The following SKAP1 variants were observed in gnomAD, a reference collection of about 807,000 sequenced individuals.
The protein encoded by SKAP1 is src kinase associated phosphoprotein 1.
Under a neutral mutation model 58.5 loss-of-function variants are expected in SKAP1, and 44 were observed. The ratio of observed to expected loss-of-function variants is 0.75; its 90% CI spans 0.59 to 0.97. The LOEUF (loss-of-function observed/expected upper bound fraction) is 0.97, where lower values mean the gene tolerates loss of function less well. SKAP1 is among the 50% of genes least tolerant of loss of function. The probability of loss-of-function intolerance (pLI) is 0.00; values close to 1 mark genes in which losing one functional copy is unlikely to be tolerated. For synonymous variants in SKAP1, 127 were observed against 149.7 expected, an observed-to-expected ratio of 0.85 and a Z score of 1.11; for missense variants, 390 against 435.2, an observed-to-expected ratio of 0.90 and a Z score of 0.92.
intron 2 of SKAP1, among the ~76,000 whole-genome samples, chr17:48,384,550 T>C (rs2067253606): frequency 6.6e-6 from 1 of 152,168 alleles, no homozygotes; most frequent in African/African-American, 2.4e-5. Flanking sequence ...TCTAACACCT[T>C]AGAGCAGAGT....
At chr17:48,345,854 G>T in intron 4 of SKAP1, 51 bp downstream of exon 4, 2 of 1,270,416 alleles carry the variant, frequency 1.6e-6, no homozygotes, top group Non-Finnish European at 2.3e-6. Flanking sequence ...TGTCAGGCCA[G>T]AAGATAATGA....
rs1236245458 is a variant in SKAP1, at chr17:48,338,135, CCTTTCTTTCTTTTT to C, written c.280+7756_280+7769del. ...TCTTTCTTTTCTTCCTTCCTTCTTT[CCTTTCTTTCTTTTT>C]CTTTCTTTCTTTCTTTTCAGACAGA... On this transcript the variant is annotated intron_variant, in intron 4 of 12. Transcript: ENST00000336915. Among the ~76,000 whole-genome samples the C allele has an allele frequency of 1.2e-3, 176 of 143,728 alleles. 1 individual carries two copies. The highest frequency in any genetic ancestry group is 4.5e-3 in the African/African-American group (175 of 39,172). 94.3% of individuals were successfully genotyped at this position (143,728 alleles called of 152,430 possible). A position where few individuals can be genotyped will look rare whatever the true frequency, so the allele number is the denominator to read the frequency against.
At chr17:48,219,732 C>T (rs550174391) in intron 4 of SKAP1, among the ~76,000 whole-genome samples, 1 of 152,054 alleles carries the variant, frequency 6.6e-6, no homozygotes, top group Non-Finnish European at 1.5e-5. Context: ...TCTGCTGCAC[C>T]CCCATGGAGA....
At chr17:48,178,470 A>T (rs1162286491) in intron 9 of SKAP1, among the ~76,000 whole-genome samples, 1 of 152,158 alleles carries the variant, frequency 6.6e-6, no homozygotes, top group African/African-American at 2.4e-5. Context: ...TTTAGGGAGT[A>T]TTGTGAATTA....
At chr17:48,402,046 G>A (rs1055584106) in intron 1 of SKAP1, among the ~76,000 whole-genome samples, 4 of 152,146 alleles carry the variant, frequency 2.6e-5, no homozygotes, top group African/African-American at 9.7e-5. Context: ...CTAGCCATCA[G>A]GGAAATGCAA....
intron 4 of SKAP1, among the ~76,000 whole-genome samples, chr17:48,305,732 A>G (rs971535864): frequency 6.6e-6 from 1 of 152,340 alleles, no homozygotes; most frequent in East Asian, 1.9e-4. Flanking sequence ...TAAATGTGAG[A>G]TATTTTTATT....
intron 9 of SKAP1, among the ~76,000 whole-genome samples, chr17:48,179,508 G>C (rs1449010731): frequency 1.3e-5 from 2 of 152,122 alleles, no homozygotes; most frequent in Non-Finnish European, 2.9e-5. Context: ...AAACATGTTA[G>C]GGTTATTTTT....
rs1160541160 is a variant in SKAP1 at position 48,264,606 on chromosome 17, C to G, written c.281-75106G>C. Among the ~76,000 whole-genome samples, 6 of 152,066 alleles carry G rather than the reference C, an allele frequency of 3.9e-5. No individual in the cohort carries two copies. In the East Asian group the frequency reaches 1.2e-3, roughly 29 times the overall value. ...TACTCCAAAGAGACCCATAAAGATA[C>G]TGAACTTTGCCAGGAAATGGGGAGG... is the stretch of plus-strand genomic sequence containing the variant. On this transcript the variant is annotated intron_variant, in intron 4 of 12. Coordinates refer to ENST00000336915, the MANE Select transcript of SKAP1 (RefSeq NM_003726.4).
chr17:48,407,926 GA>G (rs906063858), intron 1 of SKAP1, among the ~76,000 whole-genome samples: 3 of 151,084 alleles, frequency 2.0e-5, no homozygotes, highest in Admixed American at 6.6e-5. Context: ...GAATTTTTCA[GA>G]GGGGGGGGAA....
chr17:48,424,436 A>G (rs2067833006), intron 1 of SKAP1, among the ~76,000 whole-genome samples: 1 of 151,110 alleles, frequency 6.6e-6, no homozygotes, highest in Admixed American at 6.6e-5. Context: ...CGTGTTAGCC[A>G]GGATGGTCTC....
intron 11 of SKAP1, among the ~76,000 whole-genome samples, chr17:48,151,086 GA>G (rs369278460): frequency 0.5 from 65,487 of 130,234 alleles, 15,078 homozygotes; most frequent in African/African-American, 0.54. Context: ...GACGCAGCAG[GA>G]AAAAAAAAAA....
At chr17:48,280,993 C>A (rs2065759052) in intron 4 of SKAP1, among the ~76,000 whole-genome samples, 1 of 152,058 alleles carries the variant, frequency 6.6e-6, no homozygotes, top group African/African-American at 2.4e-5. Flanking sequence ...GCAGTCTAAA[C>A]CCAGAGCTCA....
intron 4 of SKAP1, among the ~76,000 whole-genome samples, chr17:48,309,618 T>A (rs1051496376): frequency 6.6e-6 from 1 of 152,164 alleles, no homozygotes; most frequent in Admixed American, 6.5e-5. Flanking sequence ...TATGTCCACA[T>A]ATATACTCTC....
intron 5 of SKAP1, among the ~76,000 whole-genome samples, chr17:48,188,911 A>T (rs991627637): frequency 6.6e-6 from 1 of 152,202 alleles, no homozygotes; most frequent in Non-Finnish European, 1.5e-5. Context: ...GAGACAGCAG[A>T]ATCGCTTGAA....
At chr17:48,357,143 A>G (rs751137941) in intron 3 of SKAP1, among the ~76,000 whole-genome samples, 9 of 152,322 alleles carry the variant, frequency 5.9e-5, no homozygotes, top group South Asian at 2.1e-4. Context: ...ATCCTTGTAC[A>G]TAATACATTG....
chr17:48,173,137 GCTACTGCAGTCCAGC>G (rs1236383057), intron 9 of SKAP1, among the ~76,000 whole-genome samples: 1 of 151,650 alleles, frequency 6.6e-6, no homozygotes, highest in Non-Finnish European at 1.5e-5. Context: ...CCATGATTGC[GCTACTGCAGTCCAGC>G]CTGGGCCTGG....
chr17:48,256,521 T>A (rs745944644), intron 4 of SKAP1, among the ~76,000 whole-genome samples: 2 of 152,112 alleles, frequency 1.3e-5, no homozygotes, highest in Non-Finnish European at 2.9e-5. Context: ...CACTGTTACA[T>A]TGACAATGAA....
At chr17:48,195,823 G>A (rs572170813) in intron 4 of SKAP1, among the ~76,000 whole-genome samples, 2 of 152,152 alleles carry the variant, frequency 1.3e-5, no homozygotes, top group East Asian at 3.9e-4. Flanking sequence ...ATTTTTGAAG[G>A]TCTTTTAAAA....
rs185650992 is a variant in SKAP1, at chr17:48,426,047, G to A, written c.46+4028C>T. Among the ~76,000 whole-genome samples the A allele has an allele frequency of 6.3e-3, 952 of 152,190 alleles. 9 individuals carry two copies. The highest frequency in any genetic ancestry group is 8.8e-3 in the Non-Finnish European group (598 of 67,992). ...ACCTGATCACAAATATTTATAAGAAGAAGAAAAGAGTGCTTAAAGAGAATC... is the reference window on the plus strand; with the variant it reads ...ACCTGATCACAAATATTTATAAGAAAAAGAAAAGAGTGCTTAAAGAGAATC... On this transcript the variant is annotated intron_variant, in intron 1 of 12. Transcript: ENST00000336915.
Sources: gnomAD v4.1 joint callset for allele counts (sites outside exome capture counted in the v4.1 genomes callset) on GRCh38, gnomAD v4.1.1 for gene constraint, MANE v1.5 for transcripts, NCBI Gene and HGNC (gene_info 2026-07-23, HGNC 2026-07-21) for gene names.